MTUS2: variants seen among roughly 807,000 people sequenced by gnomAD.
The protein encoded by MTUS2 is microtubule associated scaffold protein 2.
In MTUS2, 40 loss-of-function variants were observed where a neutral mutation model predicts 114.1. The observed-to-expected ratio is 0.35, with a 90% CI of 0.27 to 0.46. The LOEUF (loss-of-function observed/expected upper bound fraction) is 0.46. Among genes scored for constraint, MTUS2 ranks in the 20% least tolerant of loss-of-function variants. The probability of loss-of-function intolerance (pLI) is 1.00; values close to 1 mark genes in which losing one functional copy is unlikely to be tolerated. For synonymous variants in MTUS2, 688 were observed against 672.0 expected, an observed-to-expected ratio of 1.02 and a Z score of -0.37; for missense variants, 1,679 against 1,705.4, an observed-to-expected ratio of 0.98 and a Z score of 0.27.
At chr13:28,930,102 T>C (rs1300930887) in intron 2 of MTUS2, among the ~76,000 whole-genome samples, 2 of 152,148 alleles carry the variant, frequency 1.3e-5, no homozygotes, top group Non-Finnish European at 2.9e-5. Flanking sequence ...GATAACTTTT[T>C]CAAGAAAAAA....
chr13:28,839,008 T>G (rs1341723693), intron 1 of MTUS2, among the ~76,000 whole-genome samples: 1 of 152,120 alleles, frequency 6.6e-6, no homozygotes, highest in Non-Finnish European at 1.5e-5. Flanking sequence ...CCTGATTTTT[T>G]TTTTTGTTTG....
At chr13:29,500,905 A>G (rs987957869) in intron 14 of MTUS2, among the ~76,000 whole-genome samples, 192 bp from the exon 15 acceptor site, 5 of 152,062 alleles carry the variant, frequency 3.3e-5, no homozygotes, top group Admixed American at 2.0e-4. Context: ...GGCATTTTCT[A>G]TTCTGTTTCA....
intron 2 of MTUS2, among the ~76,000 whole-genome samples, chr13:28,995,082 G>A (rs1445520028): frequency 6.6e-6 from 1 of 152,148 alleles, no homozygotes; most frequent in African/African-American, 2.4e-5. Context: ...TTTGTATAAG[G>A]TGTAAGGAAG....
rs190679089 is a variant in MTUS2, at chr13:29,173,726, C to T, written c.2644+72756C>T. ...TGAGAAGACTATCAGTGGGTCAGTA[C>T]TACAGTCAAAGAAATTATATTGCTC... On this transcript the variant is annotated intron_variant, in intron 5 of 15. Coordinates refer to ENST00000612955, the MANE Select transcript of MTUS2 (RefSeq NM_001033602.4). Among the ~76,000 whole-genome samples the T allele has an allele frequency of 1.4e-4, 21 of 152,136 alleles. No homozygotes were observed. The East Asian group carries it at 3.9e-3, about 28-fold the overall frequency.
At chr13:29,291,626 G>A (rs1035566116) in intron 6 of MTUS2, among the ~76,000 whole-genome samples, 7 of 152,070 alleles carry the variant, frequency 4.6e-5, no homozygotes, top group East Asian at 1.9e-4. Context: ...CATCAGCCTC[G>A]GTCCTGCTGA....
intron 5 of MTUS2, among the ~76,000 whole-genome samples, chr13:29,228,057 A>G (rs1197087223): frequency 2.0e-5 from 3 of 152,156 alleles, no homozygotes; most frequent in East Asian, 1.9e-4. Flanking sequence ...TCACCCAGCA[A>G]TCTTACTCCT....
intron 2 of MTUS2, among the ~76,000 whole-genome samples, chr13:28,984,757 T>C (rs1247697101): frequency 6.6e-6 from 1 of 152,246 alleles, no homozygotes. Context: ...CTGTGTTGTA[T>C]ATAACATGAC....
intron 6 of MTUS2, among the ~76,000 whole-genome samples, chr13:29,295,428 C>A (rs542794514): frequency 1.3e-5 from 2 of 152,300 alleles, no homozygotes; most frequent in East Asian, 1.9e-4. Flanking sequence ...TCCCCTACCC[C>A]CTACCTTCCC....
chr13:28,999,836 T>A (rs1378937168), intron 2 of MTUS2, among the ~76,000 whole-genome samples: 2 of 152,208 alleles, frequency 1.3e-5, no homozygotes, highest in African/African-American at 2.4e-5. Flanking sequence ...TGAGACCAAC[T>A]TTTTTAGATT....
At chr13:29,245,510 C>A (rs1035090382) in intron 5 of MTUS2, among the ~76,000 whole-genome samples, 1 of 152,284 alleles carries the variant, frequency 6.6e-6, no homozygotes, top group Non-Finnish European at 1.5e-5. Flanking sequence ...AGCCTGAGAG[C>A]TGGATTCCTG....
intron 8 of MTUS2, among the ~76,000 whole-genome samples, chr13:29,418,214 G>C (rs548449299): frequency 6.6e-6 from 1 of 152,114 alleles, no homozygotes; most frequent in African/African-American, 2.4e-5. Flanking sequence ...AGTTACCTCG[G>C]TAAAAGGCAA....
At chr13:29,243,588 A>G (rs1255802339) in intron 5 of MTUS2, among the ~76,000 whole-genome samples, 2 of 152,238 alleles carry the variant, frequency 1.3e-5, no homozygotes, top group Non-Finnish European at 2.9e-5. Flanking sequence ...GAAGCCTTAG[A>G]GCATTAAAGG....
intron 5 of MTUS2, among the ~76,000 whole-genome samples, chr13:29,149,557 C>G (rs1222214240): frequency 3.9e-5 from 6 of 152,134 alleles, no homozygotes; most frequent in Non-Finnish European, 8.8e-5. Flanking sequence ...GTTTTTCTTG[C>G]TATTGCTTTT....
At chr13:29,079,731 T>C (rs1159315376) in intron 4 of MTUS2, among the ~76,000 whole-genome samples, 1 of 152,232 alleles carries the variant, frequency 6.6e-6, no homozygotes, top group Admixed American at 6.5e-5. Context: ...TCTGGAATGT[T>C]AATTCTGTTC....
chr13:29,115,454 A>G (rs769359011), intron 5 of MTUS2, among the ~76,000 whole-genome samples: 8 of 152,218 alleles, frequency 5.3e-5, no homozygotes, highest in Non-Finnish European at 7.3e-5. Context: ...TGACCAGGCC[A>G]TATGTCAGCC....
chr13:28,931,966 C>G (rs1013892804), intron 2 of MTUS2, among the ~76,000 whole-genome samples: 4 of 152,136 alleles, frequency 2.6e-5, no homozygotes, highest in Non-Finnish European at 4.4e-5. Flanking sequence ...TTTAAATCAT[C>G]CCTGCATTAC....
intron 8 of MTUS2, among the ~76,000 whole-genome samples, chr13:29,429,762 T>G (rs1391966083): frequency 1.3e-5 from 2 of 152,222 alleles, no homozygotes; most frequent in South Asian, 4.1e-4. Flanking sequence ...GCCTTCTTCC[T>G]ACTCATGTGG....
intron 4 of MTUS2, among the ~76,000 whole-genome samples, chr13:29,092,423 C>G (rs1418920276): frequency 1.3e-5 from 2 of 152,176 alleles, no homozygotes; most frequent in African/African-American, 4.8e-5. Context: ...GGTGGGTGAC[C>G]ACTTGACTTT....
intron 8 of MTUS2, among the ~76,000 whole-genome samples, chr13:29,405,508 T>C (rs1874683459): frequency 2.0e-5 from 3 of 152,196 alleles, no homozygotes; most frequent in African/African-American, 7.2e-5. Context: ...AGTCAGCTTC[T>C]GAAGTTCTAT....
Sources: allele counts gnomAD v4.1 joint callset (sites outside exome capture counted in the v4.1 genomes callset), GRCh38; gene constraint gnomAD v4.1.1; transcripts MANE v1.5; gene names NCBI Gene and HGNC (gene_info 2026-07-23, HGNC 2026-07-21).